Variants in CCDC102B observed in about 807,000 individuals in gnomAD.
The protein encoded by CCDC102B is coiled-coil domain containing 102B, also known as coiled-coil domain-containing protein 102B.
A neutral mutation model predicts 57.4 loss-of-function variants in CCDC102B; 75 were observed. The observed-to-expected ratio is 1.31, with a 90% CI of 1.08 to 1.58. The LOEUF (loss-of-function observed/expected upper bound fraction) is 1.58. CCDC102B is among the 40% of genes most tolerant of loss of function. The probability of loss-of-function intolerance (pLI) is 0.00; values close to 1 mark genes in which losing one functional copy is unlikely to be tolerated. For synonymous variants in CCDC102B, 206 were observed against 201.9 expected, an observed-to-expected ratio of 1.02 and a Z score of -0.17; for missense variants, 636 against 582.6, an observed-to-expected ratio of 1.09 and a Z score of -0.94.
chr18:68,910,820 C>A (rs901465493), intron 6 of CCDC102B, among the ~76,000 whole-genome samples: 9 of 151,888 alleles, frequency 5.9e-5, no homozygotes, highest in African/African-American at 1.9e-4. Context: ...TCTTTCTCAG[C>A]CAGGATGAAA....
intron 2 of CCDC102B, among the ~76,000 whole-genome samples, chr18:68,752,584 T>G (rs1010457932): frequency 1.3e-5 from 2 of 151,972 alleles, no homozygotes; most frequent in Non-Finnish European, 2.9e-5. Flanking sequence ...ATAGGTAAAC[T>G]CCTTCTAAAT....
intron 1 of CCDC102B, among the ~76,000 whole-genome samples, chr18:68,834,555 A>C (rs1225824200): frequency 6.7e-6 from 1 of 149,982 alleles, no homozygotes; most frequent in Non-Finnish European, 1.5e-5. Context: ...AATTATAGTA[A>C]ATGAAGGGAA....
At chr18:68,784,460 C>T (rs570089) in intron 2 of CCDC102B, among the ~76,000 whole-genome samples, 82,641 of 151,768 alleles carry the variant, frequency 0.54, 22,893 homozygotes, top group East Asian at 0.9. Flanking sequence ...ACCTCCAACA[C>T]TGGGGATTAC....
At chr18:68,850,067 C>T (rs906578882) in intron 4 of CCDC102B, among the ~76,000 whole-genome samples, 1 of 152,092 alleles carries the variant, frequency 6.6e-6, no homozygotes, top group African/African-American at 2.4e-5. Flanking sequence ...TATAGCAATA[C>T]ATAATTGCAA....
intron 6 of CCDC102B, among the ~76,000 whole-genome samples, chr18:68,952,277 G>A (rs1205650542): frequency 6.6e-6 from 1 of 151,434 alleles, no homozygotes; most frequent in African/African-American, 2.4e-5. Flanking sequence ...TCTTCAAAAT[G>A]GGGTTATTCA....
At chr18:68,822,303 A>T (rs988552463) in intron 1 of CCDC102B, among the ~76,000 whole-genome samples, 5 of 152,084 alleles carry the variant, frequency 3.3e-5, no homozygotes, top group Admixed American at 6.5e-5. Flanking sequence ...CTGAAGCAGG[A>T]GAATCACTTG....
chr18:69,023,998 T>G (rs1207627949), intron 7 of CCDC102B, among the ~76,000 whole-genome samples: 2 of 152,014 alleles, frequency 1.3e-5, no homozygotes, highest in Non-Finnish European at 2.9e-5. Flanking sequence ...AGCAACTATT[T>G]GAAATAATGT....
chr18:68,715,304 T>C (rs2031874485), exon 1 of CCDC102B: 1 of 1,189,850 alleles, frequency 8.4e-7, no homozygotes, highest in East Asian at 5.0e-5. Flanking sequence ...ACGGTGCTGG[T>C]TCACTGGGGC....
intron 7 of CCDC102B, among the ~76,000 whole-genome samples, chr18:69,040,259 T>C (rs967016724): frequency 6.6e-6 from 1 of 151,952 alleles, no homozygotes; most frequent in African/African-American, 2.4e-5. Context: ...TAAACCAATA[T>C]TTTATTTTTA....
chr18:68,920,987 A>G (rs2041257514), intron 6 of CCDC102B, among the ~76,000 whole-genome samples: 1 of 152,150 alleles, frequency 6.6e-6, no homozygotes, highest in South Asian at 2.1e-4. Flanking sequence ...ATGGCTCCAC[A>G]TGCCAAAGGT....
intron 5 of CCDC102B, among the ~76,000 whole-genome samples, chr18:68,894,448 T>G (rs1365170519): frequency 6.6e-6 from 1 of 151,968 alleles, no homozygotes; most frequent in African/African-American, 2.4e-5. Flanking sequence ...TAAAATATTT[T>G]AGGAGTTTCT....
intron 4 of CCDC102B, among the ~76,000 whole-genome samples, chr18:68,849,258 G>T (rs950118590): frequency 2.0e-5 from 3 of 152,028 alleles, no homozygotes; most frequent in Non-Finnish European, 4.4e-5. Context: ...GCTATTCTGC[G>T]TACATCAAGG....
At chr18:68,953,023 A>G (rs996530545) in intron 6 of CCDC102B, among the ~76,000 whole-genome samples, 1 of 152,144 alleles carries the variant, frequency 6.6e-6, no homozygotes, top group African/African-American at 2.4e-5. Flanking sequence ...ATAGACACAC[A>G]GTGGGATATT....
intron 2 of CCDC102B, among the ~76,000 whole-genome samples, chr18:68,778,541 A>T (rs530053637): frequency 2.4e-4 from 36 of 152,188 alleles, no homozygotes; most frequent in South Asian, 4.1e-4. Context: ...TCTTTTTTTT[A>T]AAAATAAGTA....
upstream of CCDC102B, among the ~76,000 whole-genome samples, chr18:68,797,609 A>G (rs2035677295): frequency 1.3e-5 from 2 of 152,014 alleles, 1 homozygote; most frequent in South Asian, 4.2e-4. Flanking sequence ...TTGTTTCATG[A>G]TTTGTATACT....
intron 4 of CCDC102B, among the ~76,000 whole-genome samples, chr18:68,851,138 C>T (rs1211120410): frequency 1.3e-5 from 2 of 152,130 alleles, no homozygotes; most frequent in Non-Finnish European, 1.5e-5. Context: ...ATGAATGAAG[C>T]ACTGTACTAA....
intron 6 of CCDC102B, among the ~76,000 whole-genome samples, chr18:68,964,329 TC>T (rs2050117844): frequency 6.6e-6 from 1 of 151,742 alleles, no homozygotes; most frequent in South Asian, 2.1e-4. Context: ...TTCCAAAATC[TC>T]AGTTTAATAT....
intron 6 of CCDC102B, among the ~76,000 whole-genome samples, chr18:69,000,613 T>A (rs2051174920): frequency 6.6e-6 from 1 of 152,188 alleles, no homozygotes; most frequent in African/African-American, 2.4e-5. Context: ...AGTCTTCTCA[T>A]TTGTCCTCTC....
At chr18:68,771,199 G>T (rs1454946037) in intron 2 of CCDC102B, among the ~76,000 whole-genome samples, 3 of 152,156 alleles carry the variant, frequency 2.0e-5, no homozygotes, top group Non-Finnish European at 4.4e-5. Flanking sequence ...GGTCCTGCAG[G>T]CAGCTCCATA....
Sources: gnomAD v4.1 joint callset for allele counts (sites outside exome capture counted in the v4.1 genomes callset) on GRCh38, gnomAD v4.1.1 for gene constraint, MANE v1.5 for transcripts, NCBI Gene and HGNC (gene_info 2026-07-23, HGNC 2026-07-21) for gene names.